Variants in UMAD1 observed in about 807,000 individuals in gnomAD.
The protein encoded by UMAD1 is UBAP1-MVB12-associated (UMA)-domain containing protein 1.
Under a neutral mutation model 6.1 loss-of-function variants are expected in UMAD1, and 8 were observed. The ratio of observed to expected loss-of-function variants is 1.30; its 90% confidence interval spans 0.76 to 2.35. The LOEUF (loss-of-function observed/expected upper bound fraction) is 2.35. UMAD1 is among the 30% of genes most tolerant of loss of function. The pLI, the probability that UMAD1 is intolerant of heterozygous loss-of-function variation, is 0.00. For synonymous variants in UMAD1, 56 were observed against 31.4 expected (o/e 1.78, Z -2.61); for missense variants, 130 against 78.4 (o/e 1.66, Z -2.49).
chr7:7,738,700 A>G (rs902164066), intron 2 of UMAD1: 1 of 152,122 alleles, frequency 6.6e-6, no homozygotes, highest in African/African-American at 2.4e-5. Flanking sequence ...TTGCTTTCCT[A>G]TTTTCTGTAG....
intron 3 of UMAD1, among the ~76,000 whole-genome samples, chr7:7,839,335 C>T (rs1000726202): frequency 6.6e-6 from 1 of 152,058 alleles, no homozygotes; most frequent in Non-Finnish European, 1.5e-5. Context: ...CCTCAGCCTC[C>T]CCCAAGCTGG....
At chr7:7,827,719 G>A (rs938564580) in intron 3 of UMAD1, among the ~76,000 whole-genome samples, 2 of 152,058 alleles carry the variant, frequency 1.3e-5, no homozygotes, top group Non-Finnish European at 2.9e-5. Context: ...GGGCAAAATG[G>A]AACATTTTGT....
intron 2 of UMAD1, chr7:7,715,065 TAAAAA>T (rs552433074): frequency 6.6e-6 from 1 of 151,784 alleles, no homozygotes; most frequent in Admixed American, 6.6e-5. Context: ...TCTTAGAACT[TAAAAA>T]AAATACTTTT....
chr7:7,732,481 T>C (rs1490218669), intron 2 of UMAD1, among the ~76,000 whole-genome samples: 7 of 152,196 alleles, frequency 4.6e-5, no homozygotes, highest in Admixed American at 4.6e-4. Context: ...CCTTAATCTT[T>C]GTTGTATTTA....
At chr7:7,712,958 T>C (rs1780804160) in intron 2 of UMAD1, among the ~76,000 whole-genome samples, 1 of 152,178 alleles carries the variant, frequency 6.6e-6, no homozygotes, top group African/African-American at 2.4e-5. Flanking sequence ...GGGTAGCTTT[T>C]ATGTACCGAA....
At chr7:7,808,385 A>C (rs1011261577) in intron 3 of UMAD1, among the ~76,000 whole-genome samples, 2 of 152,000 alleles carry the variant, frequency 1.3e-5, no homozygotes, top group Admixed American at 6.6e-5. Flanking sequence ...AATAAACATT[A>C]CATGTAAGCA....
chr7:7,693,295 TTATCTATC>T (rs1250261083), intron 2 of UMAD1, among the ~76,000 whole-genome samples: 2,778 of 148,976 alleles, frequency 0.019, 84 homozygotes, highest in African/African-American at 0.065. Context: ...TAAAATATCT[TTATCTATC>T]TATCTATCTA....
At chr7:7,829,433 G>A (rs533131770) in intron 3 of UMAD1, among the ~76,000 whole-genome samples, 1 of 151,968 alleles carries the variant, frequency 6.6e-6, no homozygotes, top group African/African-American at 2.4e-5. Flanking sequence ...CCCTGGCAAT[G>A]TGGGAGGTAG....
chr7:7,741,833 TAA>T (rs912897660), intron 2 of UMAD1: 2 of 196,492 alleles, frequency 1.0e-5, no homozygotes, highest in Admixed American at 5.4e-5. Flanking sequence ...TAAAAGGCTT[TAA>T]GTCAACTTAT....
intron 1 of UMAD1, among the ~76,000 whole-genome samples, chr7:7,667,736 G>A (rs972786471): frequency 6.6e-6 from 1 of 152,196 alleles, no homozygotes; most frequent in African/African-American, 2.4e-5. Flanking sequence ...AAATGTATTT[G>A]ACTAACATTG....
intron 1 of UMAD1, among the ~76,000 whole-genome samples, chr7:7,661,694 G>T (rs967779098): frequency 2.6e-5 from 4 of 152,154 alleles, no homozygotes; most frequent in African/African-American, 9.7e-5. Flanking sequence ...GTCCCAGAGG[G>T]GCACCCACCA....
chr7:7,681,402 A>G (rs532822583), intron 2 of UMAD1, among the ~76,000 whole-genome samples: 2 of 152,272 alleles, frequency 1.3e-5, no homozygotes, highest in East Asian at 1.9e-4. Flanking sequence ...TAATAGGAAT[A>G]TCTGGGCTGT....
At chr7:7,857,946 G>C (rs998176480) in intron 3 of UMAD1, among the ~76,000 whole-genome samples, 5 of 152,186 alleles carry the variant, frequency 3.3e-5, no homozygotes, top group Admixed American at 1.3e-4. Context: ...ATTTTAAAAG[G>C]CATGAAGTGA....
chr7:7,798,872 A>G (rs772226905), intron 2 of UMAD1, among the ~76,000 whole-genome samples: 50 of 152,314 alleles, frequency 3.3e-4, no homozygotes, highest in South Asian at 1.5e-3. Flanking sequence ...GAGTTATCTT[A>G]CTGTGCTTGC....
chr7:7,800,939 A>G (rs544842428), intron 2 of UMAD1, among the ~76,000 whole-genome samples: 30 of 152,366 alleles, frequency 2.0e-4, no homozygotes, highest in African/African-American at 6.7e-4. Context: ...TATGCTTCAA[A>G]GAAGTAGGCT....
chr7:7,641,101 G>A (rs1431400946), intron 1 of UMAD1: 5 of 152,492 alleles, frequency 3.3e-5, no homozygotes, highest in Admixed American at 2.0e-4. Flanking sequence ...ACTTTCTTCA[G>A]GCTTTTGCCA....
At chr7:7,801,127 C>G (rs985373954) in intron 2 of UMAD1, among the ~76,000 whole-genome samples, 2 of 152,164 alleles carry the variant, frequency 1.3e-5, no homozygotes, top group African/African-American at 4.8e-5. Context: ...CAGGCACTAG[C>G]CTTAGGAATC....
intron 3 of UMAD1, among the ~76,000 whole-genome samples, chr7:7,804,720 G>T (rs143817416): frequency 6.6e-6 from 1 of 152,086 alleles, no homozygotes; most frequent in African/African-American, 2.4e-5. Context: ...GGTGGCTCAC[G>T]CCTGTAATCC....
At chr7:7,800,605 CT>C (rs1168549734) in intron 2 of UMAD1, among the ~76,000 whole-genome samples, 1 of 152,158 alleles carries the variant, frequency 6.6e-6, no homozygotes, top group Non-Finnish European at 1.5e-5. Context: ...ACCCTTTCCC[CT>C]GAGTCCCCAA....
Sources: gnomAD v4.1 joint callset for allele counts (sites outside exome capture counted in the v4.1 genomes callset) on GRCh38, gnomAD v4.1.1 for gene constraint, MANE v1.5 for transcripts, NCBI Gene and HGNC (gene_info 2026-07-23, HGNC 2026-07-21) for gene names.